Variants in SH3BGR observed in about 807,000 individuals in gnomAD.
SH3BGR encodes the protein SH3 domain-binding glutamic acid-rich protein.
A neutral mutation model predicts 24.5 loss-of-function variants in SH3BGR; 29 were observed. The observed-to-expected ratio is 1.18, with a 90% CI of 0.88 to 1.61. The LOEUF (loss-of-function observed/expected upper bound fraction) is 1.61, where lower values mean the gene tolerates loss of function less well. Ranked by LOEUF, SH3BGR falls within the 40% of genes most tolerant of loss-of-function variation. SH3BGR has a pLI of 0.00. For missense variants in SH3BGR, 162 were observed against 205.8 expected, an observed-to-expected ratio of 0.79 and a Z score of 1.30; for synonymous variants, 55 against 65.7, an observed-to-expected ratio of 0.84 and a Z score of 0.79.
chr21:39,475,216 G>A lies in SH3BGR; in HGVS notation c.312+1G>A. 5.6e-6 allele frequency: 9 copies of A among 1,595,968 alleles called. No individual in the cohort carries two copies. The highest frequency in any genetic ancestry group is 7.7e-6 in the Non-Finnish European group (9 of 1,163,790). On this transcript the variant is annotated splice_donor_variant, in intron 3 of 6. Coordinates refer to ENST00000333634, the MANE Select transcript of SH3BGR (RefSeq NM_007341.3). LOFTEE classifies it high-confidence loss of function. ...TTTGGCTCCTCCTCCAGACTCAAAG[G>A]TAAGTTTGAACAAACTCCATTGGGG...
At chr21:39,451,687 C>T (rs531459441), upstream of SH3BGR, 23 of 570,138 alleles carry the variant, frequency 4.0e-5, 1 homozygote, top group Admixed American at 3.1e-4. Flanking sequence ...TCACTTCTTT[C>T]GCCTCCTGCT....
At chr21:39,499,389 CCATCCATCCATG>C (rs1238414993) in intron 3 of SH3BGR, among the ~76,000 whole-genome samples, 1 of 152,148 alleles carries the variant, frequency 6.6e-6, no homozygotes, top group African/African-American at 2.4e-5. Flanking sequence ...ATCCATCTCT[CCATCCATCCATG>C]CATCCATCCA....
Position 39,510,437 on chromosome 21 carries a change from CACACACACACACACACACTGTAGCT to C in SH3BGR, c.436-1224_436-1200del, listed in dbSNP as rs1245446764. Reference sequence around the variant, plus strand: ...CACACACACACTGTAGCTACACACACACACACACACACACACACTGTAGCTACACACACACACACACACCCCATCA... The same window carrying C: ...CACACACACACTGTAGCTACACACACACACACACACACACACACCCCATCA... On this transcript the variant is annotated intron_variant, in intron 5 of 6. Coordinates refer to ENST00000333634, the MANE Select transcript of SH3BGR (RefSeq NM_007341.3). 1.1e-3 allele frequency among the ~76,000 whole-genome samples: 110 copies of C among 102,758 alleles called. 2 individuals are homozygous for C. Among genetic ancestry groups the C allele is most frequent in the African/African-American group, 3.9e-3 (84 of 21,772 alleles). The allele number at this position is 102,758 out of a possible 152,430, so 67.4% of individuals were successfully genotyped here.
chr21:39,448,208 G>A (rs1308804883), upstream of SH3BGR, among the ~76,000 whole-genome samples: 1 of 152,188 alleles, frequency 6.6e-6, no homozygotes, highest in East Asian at 1.9e-4. Context: ...GATTACATCT[G>A]TAAAGACTCT....
chr21:39,509,966 G>C (rs1219322742), intron 5 of SH3BGR, among the ~76,000 whole-genome samples: 1 of 125,710 alleles, frequency 8.0e-6, no homozygotes, highest in Admixed American at 7.5e-5. Context: ...TTTTTGAGAC[G>C]GAGTCCCGCT....
chr21:39,511,795 CT>C lies in SH3BGR; in HGVS notation c.*22del. On this transcript the variant is annotated 3_prime_UTR_variant, in exon 6 of 7. Transcript: ENST00000333634. The surrounding 1 kb of genome is among the most constrained non-coding windows in gnomAD (Gnocchi z 4.2). The stretch of plus-strand genomic sequence containing the variant: ...TCCTAGGCCTTTTCATGCTTCATTT[CT>C]TCCACTTCTCCAGGTAGCTACAGGA... 1 of 1,607,446 alleles carries C rather than the reference CT, an allele frequency of 6.2e-7. No individual in the cohort carries two copies. The highest frequency in any genetic ancestry group is 1.3e-5 in the African/African-American group (1 of 74,570).
chr21:39,459,701 A>AT (rs2077723453), intron 1 of SH3BGR, among the ~76,000 whole-genome samples: 1 of 151,834 alleles, frequency 6.6e-6, no homozygotes, highest in Admixed American at 6.6e-5. Flanking sequence ...TAATTTTTAA[A>AT]TTTTTTGTAG....
chr21:39,499,642 G>A lies in SH3BGR; in HGVS notation c.313-181G>A, dbSNP rs150352325. ...GTTGGATCTTTGACTTATCCCAGTCGGCATTTTGGAGTTTGGAGATCCTAT... is the reference window on the plus strand; with the variant it reads ...GTTGGATCTTTGACTTATCCCAGTCAGCATTTTGGAGTTTGGAGATCCTAT... On this transcript the variant is annotated intron_variant, in intron 3 of 6. Transcript: ENST00000333634. 3.0e-3 allele frequency among the ~76,000 whole-genome samples: 458 copies of A among 152,244 alleles called. 3 individuals carry two copies. Among genetic ancestry groups the A allele is most frequent in the African/African-American group, 0.011 (439 of 41,554 alleles).
In SH3BGR at chr21:39,496,267, G is replaced by A. The variant is rs537248586; in HGVS notation, c.313-3556G>A. 1.4e-3 allele frequency among the ~76,000 whole-genome samples: 207 copies of A among 152,160 alleles called. 2 individuals are homozygous for A. The highest frequency in any genetic ancestry group is 4.5e-3 in the African/African-American group (188 of 41,548). On this transcript the variant is annotated intron_variant, in intron 3 of 6. Coordinates refer to ENST00000333634, the MANE Select transcript of SH3BGR (RefSeq NM_007341.3). Reference sequence around the variant, plus strand: ...TGTAATCCCAGCACTTTGGGAGGCCGAGGCGGGTGGATCATGAGGTCAGGA... The same window carrying A: ...TGTAATCCCAGCACTTTGGGAGGCCAAGGCGGGTGGATCATGAGGTCAGGA...
At chr21:39,457,087 A>C (rs979162896) in intron 1 of SH3BGR, among the ~76,000 whole-genome samples, 6 of 148,066 alleles carry the variant, frequency 4.1e-5, no homozygotes, top group South Asian at 4.2e-4. Flanking sequence ...AAAATTAAGA[A>C]TTACTTGATA....
intron 3 of SH3BGR, among the ~76,000 whole-genome samples, chr21:39,475,904 CTGAG>C (rs2078020076): frequency 6.6e-6 from 1 of 152,114 alleles, no homozygotes; most frequent in Admixed American, 6.5e-5. Flanking sequence ...AAAATCCACT[CTGAG>C]AGAGGACCAT....
rs2078716476 is a variant in SH3BGR at position 39,512,676 on chromosome 21, C to T, written c.*34+867C>T. ...GTGGGGTGGCTCATGCCTGCGGTCC[C>T]AGCTACTTGGGAGGCTGAAGCCTGA... On this transcript the variant is annotated intron_variant, in intron 6 of 6. Coordinates refer to ENST00000333634, the MANE Select transcript of SH3BGR (RefSeq NM_007341.3). Among the ~76,000 whole-genome samples, 6 of 152,226 alleles carry T rather than the reference C, an allele frequency of 3.9e-5. No individual in the cohort carries two copies. The South Asian group carries it at 1.2e-3, about 32-fold the overall frequency.
upstream of SH3BGR, among the ~76,000 whole-genome samples, chr21:39,449,201 CAGT>C (rs1180367763): frequency 1.3e-5 from 2 of 152,226 alleles, no homozygotes; most frequent in Non-Finnish European, 2.9e-5. Context: ...CAACCTTGCT[CAGT>C]ATGTATGTAA....
chr21:39,447,709 G>A (rs929197295), upstream of SH3BGR, among the ~76,000 whole-genome samples: 20 of 152,206 alleles, frequency 1.3e-4, no homozygotes, highest in South Asian at 1.5e-3. Context: ...ATAAGCCACC[G>A]TGCCTGGCCT....
rs2077771366 is a variant in SH3BGR at position 39,462,478 on chromosome 21, G to C, written c.149G>C (p.Arg50Thr). 2 of 1,608,558 alleles carry C rather than the reference G, an allele frequency of 1.2e-6. No individual in the cohort carries two copies. Among genetic ancestry groups the C allele is most frequent in the South Asian group, 1.1e-5 (1 of 89,486 alleles). ...GATGAAGACAACAGGAGGTGGATGA[G>C]AGAGAATGTTCCTGGAGAGAAAAAA... Reference protein sequence around the residue: ...AGDEDNRRWMRENVPGEKKPQ... With the variant: ...AGDEDNRRWMTENVPGEKKPQ... The change falls in exon 2 of 7, where the codon AGA becomes ACA. Residue 50 changes from arginine to threonine, a missense_variant. Physicochemically the swap from Arg to Thr is moderately conservative, Grantham distance 71. Transcript: ENST00000333634.
chr21:39,504,345 C>G (rs1569174446), intron 4 of SH3BGR, among the ~76,000 whole-genome samples: 1 of 152,224 alleles, frequency 6.6e-6, no homozygotes, highest in Non-Finnish European at 1.5e-5. Flanking sequence ...CCTCTGTCCT[C>G]TCATCTCTAG....
At chr21:39,505,656 T>C (rs1352711241) in intron 4 of SH3BGR, among the ~76,000 whole-genome samples, 1 of 152,094 alleles carries the variant, frequency 6.6e-6, no homozygotes, top group Non-Finnish European at 1.5e-5. Flanking sequence ...TCCCAGCTCC[T>C]TGGGAGCCTG....
chr21:39,498,027 T>C (rs949238090), intron 3 of SH3BGR, among the ~76,000 whole-genome samples: 6 of 152,216 alleles, frequency 3.9e-5, no homozygotes, highest in African/African-American at 1.4e-4. Flanking sequence ...TAAATTATCG[T>C]ATATTTAATA....
At chr21:39,498,034 A>G (rs2078428418) in intron 3 of SH3BGR, among the ~76,000 whole-genome samples, 1 of 152,242 alleles carries the variant, frequency 6.6e-6, no homozygotes, top group African/African-American at 2.4e-5. Flanking sequence ...TCGTATATTT[A>G]ATATGAAGCA....
Sources: gnomAD v4.1 joint callset for allele counts (sites outside exome capture counted in the v4.1 genomes callset) on GRCh38, gnomAD v4.1.1 for gene constraint, Gnocchi (gnomAD v3.1) non-coding constraint, MANE v1.5 for transcripts, NCBI Gene and HGNC (gene_info 2026-07-23, HGNC 2026-07-21) for gene names.